The following DSCAM variants were observed in gnomAD, a reference collection of about 807,000 sequenced individuals.
DSCAM encodes the protein DS cell adhesion molecule.
Under a neutral mutation model 217.7 loss-of-function variants are expected in DSCAM, and 47 were observed. The observed-to-expected ratio is 0.22, with a 90% CI of 0.17 to 0.28. The LOEUF (loss-of-function observed/expected upper bound fraction) is 0.28. DSCAM is among the 10% of genes least tolerant of loss of function. The probability of loss-of-function intolerance (pLI) is 1.00; values close to 1 mark genes in which losing one functional copy is unlikely to be tolerated. For missense variants in DSCAM, 2,080 were observed against 2,618.3 expected (o/e 0.79, Z 4.49); for synonymous variants, 1,056 against 1,015.3 (o/e 1.04, Z -0.76).
intron 3 of DSCAM, among the ~76,000 whole-genome samples, chr21:40,616,136 A>C (rs2089390699): frequency 6.6e-6 from 1 of 152,166 alleles, no homozygotes; most frequent in Non-Finnish European, 1.5e-5. Context: ...TTTAGCAGAA[A>C]GGGCTTCACT....
rs111353040 is a variant in DSCAM, at chr21:40,302,248, C to T, written c.2063-6074G>A. Among the ~76,000 whole-genome samples the T allele has an allele frequency of 3.3e-5, 5 of 152,148 alleles. No homozygotes were observed. The South Asian group carries it at 1.0e-3, about 32-fold the overall frequency. On this transcript the variant is annotated intron_variant, in intron 9 of 32. Transcript: ENST00000400454. ...GAATTGTAGCTCCCACAATTCCCACCTATTGTGGGAGGGATCCAGTGGGAA... is the reference window on the plus strand; with the variant it reads ...GAATTGTAGCTCCCACAATTCCCACTTATTGTGGGAGGGATCCAGTGGGAA...
chr21:40,229,537 C>A (rs569504315), intron 11 of DSCAM, among the ~76,000 whole-genome samples: 29 of 152,302 alleles, frequency 1.9e-4, no homozygotes, highest in Non-Finnish European at 3.2e-4. Flanking sequence ...AAATCCCTAA[C>A]AACCACTGAT....
intron 9 of DSCAM, among the ~76,000 whole-genome samples, chr21:40,306,874 G>A (rs1253148506): frequency 6.6e-6 from 1 of 151,838 alleles, no homozygotes; most frequent in Non-Finnish European, 1.5e-5. Context: ...TTGCATCAAT[G>A]TTCATCAAGG....
intron 12 of DSCAM, among the ~76,000 whole-genome samples, chr21:40,188,327 T>TA (rs1343376488): frequency 1.3e-5 from 2 of 152,296 alleles, no homozygotes; most frequent in African/African-American, 2.4e-5. Context: ...ATATCCCACA[T>TA]ATACATTTTT....
intron 1 of DSCAM, among the ~76,000 whole-genome samples, chr21:40,722,706 T>C (rs1262341760): frequency 6.6e-6 from 1 of 151,948 alleles, no homozygotes; most frequent in Admixed American, 6.6e-5. Context: ...TAAATATAAA[T>C]TGCCTAAACA....
rs371293592 is a variant in DSCAM, at chr21:40,546,203, G to A, written c.508+146607C>T. The stretch of plus-strand genomic sequence containing the variant: ...CTTTTCTTGGGAAAATGATTCACAA[G>A]GCATCTATGGGGAGATATTTTCAGT... On this transcript the variant is annotated intron_variant, in intron 3 of 32. Coordinates refer to ENST00000400454, the MANE Select transcript of DSCAM (RefSeq NM_001389.5). Among the ~76,000 whole-genome samples the A allele has an allele frequency of 3.9e-4, 59 of 152,334 alleles. 1 individual carries two copies. In the South Asian group the frequency reaches 0.012, roughly 31 times the overall value.
intron 3 of DSCAM, among the ~76,000 whole-genome samples, chr21:40,484,041 T>C (rs186959637): frequency 2.0e-5 from 3 of 152,204 alleles, no homozygotes; most frequent in Non-Finnish European, 2.9e-5. Context: ...AGGATGTAGG[T>C]CCTCGGCAAC....
intron 28 of DSCAM, among the ~76,000 whole-genome samples, chr21:40,057,807 T>C (rs7277310): frequency 0.18 from 27,486 of 151,470 alleles, 2,961 homozygotes; most frequent in Non-Finnish European, 0.25. Context: ...TAATTGTTTT[T>C]AGAGACAGGG....
intron 3 of DSCAM, among the ~76,000 whole-genome samples, chr21:40,624,348 C>CT (rs912316783): frequency 2.0e-5 from 3 of 152,038 alleles, no homozygotes; most frequent in Non-Finnish European, 2.9e-5. Flanking sequence ...TTTTTTTAAA[C>CT]TTTTTTTTAA....
At chr21:40,367,103 G>T (rs2074841362) in intron 4 of DSCAM, among the ~76,000 whole-genome samples, 1 of 152,236 alleles carries the variant, frequency 6.6e-6, no homozygotes, top group African/African-American at 2.4e-5. Context: ...TCACTGGCCT[G>T]TGCAAACATT....
At chr21:40,529,673 T>G (rs1457731924) in intron 3 of DSCAM, among the ~76,000 whole-genome samples, 2 of 152,144 alleles carry the variant, frequency 1.3e-5, no homozygotes, top group African/African-American at 2.4e-5. Flanking sequence ...TTTAGCTCTT[T>G]CCATATAAGA....
At chr21:40,281,385 C>T (rs1267789150) in intron 10 of DSCAM, among the ~76,000 whole-genome samples, 1 of 152,050 alleles carries the variant, frequency 6.6e-6, no homozygotes, top group East Asian at 1.9e-4. Context: ...ATATGGCTGT[C>T]TGTCTTTCCC....
intron 32 of DSCAM, among the ~76,000 whole-genome samples, chr21:40,033,555 A>C (rs2088573007): frequency 6.6e-6 from 1 of 151,500 alleles, no homozygotes; most frequent in African/African-American, 2.4e-5. Flanking sequence ...TTGCTAGCAC[A>C]GCAGTCTGAG....
At chr21:40,205,726 C>T (rs1343688222) in intron 11 of DSCAM, among the ~76,000 whole-genome samples, 3 of 152,020 alleles carry the variant, frequency 2.0e-5, no homozygotes, top group Non-Finnish European at 4.4e-5. Flanking sequence ...TCTCCTTGAT[C>T]ATGTCCCCAA....
chr21:40,050,000 T>G (rs566615942), intron 30 of DSCAM, among the ~76,000 whole-genome samples: 4 of 152,332 alleles, frequency 2.6e-5, no homozygotes, highest in African/African-American at 9.6e-5. Flanking sequence ...CATGTTGCTT[T>G]TTACCTGGCA....
At chr21:40,291,870 A>C (rs2073896326) in intron 10 of DSCAM, among the ~76,000 whole-genome samples, 1 of 152,218 alleles carries the variant, frequency 6.6e-6, no homozygotes, top group Admixed American at 6.5e-5. Context: ...AAGGAGGCCC[A>C]GGCCAGGCCC....
At chr21:40,736,801 A>AT (rs2091067879) in intron 1 of DSCAM, among the ~76,000 whole-genome samples, 1 of 149,330 alleles carries the variant, frequency 6.7e-6, no homozygotes, top group Non-Finnish European at 1.5e-5. Flanking sequence ...ACAATCTTAA[A>AT]TAGCATAGGG....
chr21:40,742,890 A>G (rs139487157), intron 1 of DSCAM, among the ~76,000 whole-genome samples: 1 of 152,272 alleles, frequency 6.6e-6, no homozygotes, highest in Non-Finnish European at 1.5e-5. Flanking sequence ...CATTATTTTT[A>G]TTTTAAAGAT....
chr21:40,388,640 A>C lies in DSCAM; in HGVS notation c.509-19395T>G, dbSNP rs201592692. Among the ~76,000 whole-genome samples, 10 of 151,746 alleles carry C rather than the reference A, an allele frequency of 6.6e-5. No individual in the cohort carries two copies. In the South Asian group the frequency reaches 1.5e-3, roughly 22 times the overall value. On this transcript the variant is annotated intron_variant, in intron 3 of 32. Transcript: ENST00000400454. Reference sequence around the variant, plus strand: ...ATCACGGGAGTTAAGGCCATTTTAAACCCCCCCTCCTCCACTGATAAACCA... The same window carrying C: ...ATCACGGGAGTTAAGGCCATTTTAACCCCCCCCTCCTCCACTGATAAACCA...
Sources: gnomAD v4.1 joint callset for allele counts (sites outside exome capture counted in the v4.1 genomes callset) on GRCh38, gnomAD v4.1.1 for gene constraint, MANE v1.5 for transcripts, NCBI Gene and HGNC (gene_info 2026-07-23, HGNC 2026-07-21) for gene names.